The following FOXO1 variants were observed in gnomAD, a reference collection of about 807,000 sequenced individuals.
FOXO1 encodes forkhead box O1, also known as forkhead box protein O1.
FOXO1 carries 6 observed loss-of-function variants against 44.1 expected under a neutral mutation model. That is an observed-to-expected ratio of 0.14 (90% confidence interval 0.07 to 0.27). The LOEUF (loss-of-function observed/expected upper bound fraction) is 0.27. Ranked by LOEUF, FOXO1 falls within the 10% of genes least tolerant of loss-of-function variation. The pLI is 1.00. For synonymous variants in FOXO1, 380 were observed against 362.7 expected, an observed-to-expected ratio of 1.05 and a Z score of -0.54; for missense variants, 737 against 888.8, an observed-to-expected ratio of 0.83 and a Z score of 2.17.
chr13:40,601,805 C>A (rs1875824592), intron 1 of FOXO1, among the ~76,000 whole-genome samples: 1 of 152,026 alleles, frequency 6.6e-6, no homozygotes, highest in Non-Finnish European at 1.5e-5. Context: ...CCACTAATGT[C>A]TTGATTTGAT....
chr13:40,636,926 G>T (rs1036951069), intron 1 of FOXO1, among the ~76,000 whole-genome samples: 1 of 152,108 alleles, frequency 6.6e-6, no homozygotes, highest in South Asian at 2.1e-4. Flanking sequence ...AATACTATGC[G>T]CTAGGTACTG....
At chr13:40,665,548 C>T (rs778737500) in intron 1 of FOXO1, 35 bp downstream of exon 1, 18 of 1,348,764 alleles carry the variant, frequency 1.3e-5, no homozygotes, top group Non-Finnish European at 1.7e-5. Context: ...ACCCACCGCG[C>T]CCCCAAGGTC....
chr13:40,660,349 T>C lies in FOXO1; in HGVS notation c.630+5234A>G, dbSNP rs78499062. On this transcript the variant is annotated intron_variant, in intron 1 of 2. Transcript: ENST00000379561. ...AAAAGCCCCAAAGCTACAGCACATA[T>C]AGGCCAAAAAAATGGCTGGGTAAAT... Among the ~76,000 whole-genome samples, 1,184 of 152,218 alleles carry C rather than the reference T, an allele frequency of 7.8e-3. 52 individuals carry two copies. The highest frequency in any genetic ancestry group is 0.061 in the Admixed American group (938 of 15,290).
chr13:40,619,250 T>C (rs1487309166), intron 1 of FOXO1: 3 of 380,320 alleles, frequency 7.9e-6, no homozygotes, highest in East Asian at 6.8e-5. Flanking sequence ...GCCGAGATCA[T>C]GCCATTGCAC....
rs1218309677 is a variant in FOXO1 at position 40,665,755 on chromosome 13, C to A, written c.458G>T (p.Ser153Ile). The change falls in exon 1 of 3, where the codon AGC becomes ATC. Residue 153 changes from serine (S) to isoleucine (I), a missense_variant. Transcript: ENST00000379561. The part of the protein sequence containing the change: ...GPLAGQPRKS[S>I]SSRRNAWGNL... ...GCCCCACGCGTTGCGGCGGGACGAG[C>A]TGCTCTTGCGCGGCTGCCCCGCGAG... 5 of 1,403,470 alleles carry A rather than the reference C, an allele frequency of 3.6e-6. No homozygotes were observed. Among genetic ancestry groups the A allele is most frequent in the Non-Finnish European group, 4.7e-6 (5 of 1,062,310 alleles). The allele number at this position is 1,403,470 out of a possible 1,614,324, so 86.9% of individuals were successfully genotyped here.
At chr13:40,573,145 G>A (rs1278359375) in intron 1 of FOXO1, among the ~76,000 whole-genome samples, 2 of 152,184 alleles carry the variant, frequency 1.3e-5, no homozygotes, top group African/African-American at 4.8e-5. Context: ...CCCAGTGGAA[G>A]CACCTGTGCT....
At chr13:40,564,509 G>A (rs1342479292) in intron 1 of FOXO1, among the ~76,000 whole-genome samples, 1 of 152,156 alleles carries the variant, frequency 6.6e-6, no homozygotes, top group African/African-American at 2.4e-5. Context: ...GTTTCTAGGG[G>A]GTGGGGTTTG....
intron 1 of FOXO1, among the ~76,000 whole-genome samples, chr13:40,617,251 G>C (rs1035625142): frequency 6.6e-6 from 1 of 152,130 alleles, no homozygotes; most frequent in Non-Finnish European, 1.5e-5. Flanking sequence ...TTCGAGACCA[G>C]CCTGACCAAC....
rs199978805 is a variant in FOXO1 at position 40,659,630 on chromosome 13, CT to C, written c.630+5952del. ...TTGACTTAATATCAAAACTAACTTGCTTTTTTGTTTTCCTTTTTAGTTTTTA... is the reference window on the plus strand; with the variant it reads ...TTGACTTAATATCAAAACTAACTTGCTTTTTGTTTTCCTTTTTAGTTTTTA... On this transcript the variant is annotated intron_variant, in intron 1 of 2. Transcript: ENST00000379561. 4.0e-3 allele frequency among the ~76,000 whole-genome samples: 609 copies of C among 152,120 alleles called. 3 individuals are homozygous for C. Among genetic ancestry groups the C allele is most frequent in the African/African-American group, 0.014 (579 of 41,486 alleles).
intron 1 of FOXO1, among the ~76,000 whole-genome samples, chr13:40,593,687 A>T (rs1433369905): frequency 1.3e-5 from 2 of 152,266 alleles, no homozygotes; most frequent in South Asian, 2.1e-4. Flanking sequence ...ATTGTTTGCT[A>T]TTTTTTCAAA....
rs1347829239 is a variant in FOXO1, at chr13:40,585,341, G to GCACACACACA, written c.631-24482_631-24481insTGTGTGTGTG. 1.1e-4 allele frequency among the ~76,000 whole-genome samples: 10 copies of GCACACACACA among 94,690 alleles called. No individual in the cohort carries two copies. The South Asian group carries it at 2.4e-3, about 23-fold the overall frequency. 62.1% of individuals were successfully genotyped at this position (94,690 alleles called of 152,430 possible). A position where few individuals can be genotyped will look rare whatever the true frequency, so the allele number is the denominator to read the frequency against. ...GTATGTAAGTATTTCCTCTGCGCGCGCGCACACACACACACACACACACAC... is the reference window on the plus strand; with the variant it reads ...GTATGTAAGTATTTCCTCTGCGCGCGCACACACACACGCACACACACACACACACACACAC... On this transcript the variant is annotated intron_variant, in intron 1 of 2. Transcript: ENST00000379561.
At chr13:40,652,812 T>C (rs1414605032) in intron 1 of FOXO1, among the ~76,000 whole-genome samples, 1 of 152,204 alleles carries the variant, frequency 6.6e-6, no homozygotes, top group Non-Finnish European at 1.5e-5. Context: ...CCAAAATGTC[T>C]CAAGTATTTG....
chr13:40,560,238 C>G lies in FOXO1; in HGVS notation c.1253G>C (p.Ser418Thr). The G allele has an allele frequency of 1.9e-6, 3 of 1,614,150 alleles. No homozygotes were observed. The highest frequency in any genetic ancestry group is 1.6e-4 in the Middle Eastern group (1 of 6,062). Residue 418 changes from serine (S) to threonine (T), a missense_variant, in exon 2 of 3, where the codon AGC becomes ACC. Ser to Thr is a moderately conservative substitution (Grantham distance 58). Around this residue, in one of 7 missense-constraint regions of FOXO1, gnomAD observed 283 missense variants for 278.1 expected, o/e 1.02. Transcript: ENST00000379561. The surrounding 1 kb of genome is among the most constrained non-coding windows in gnomAD (Gnocchi z 5.1). ...APPNTSLNSP[S>T]PNYQKYTYGQ... Reference sequence around the variant, plus strand: ...ATATGTATATTTTTGGTAGTTTGGGCTGGGTGAATTCAAACTGGTGTTTGG... The same window carrying G: ...ATATGTATATTTTTGGTAGTTTGGGGTGGGTGAATTCAAACTGGTGTTTGG...
In FOXO1 at chr13:40,607,620, C is replaced by T. The variant is rs547118881; in HGVS notation, c.631-46760G>A. On this transcript the variant is annotated intron_variant, in intron 1 of 2. Coordinates refer to ENST00000379561, the MANE Select transcript of FOXO1 (RefSeq NM_002015.4). ...ACACAGCATTCGACAGTCATTACTC[C>T]ACACTATTTAGTATTGTACACATAG... is the stretch of plus-strand genomic sequence containing the variant. Among the ~76,000 whole-genome samples, 34 of 152,336 alleles carry T rather than the reference C, an allele frequency of 2.2e-4. No individual in the cohort carries two copies. In the Middle Eastern group the frequency reaches 0.01, roughly 46 times the overall value.
chr13:40,571,142 A>G (rs1874475369), intron 1 of FOXO1, among the ~76,000 whole-genome samples: 2 of 151,890 alleles, frequency 1.3e-5, no homozygotes, highest in African/African-American at 2.4e-5. Flanking sequence ...ACTAAATTTC[A>G]TCTAGCTAAA....
intron 1 of FOXO1, among the ~76,000 whole-genome samples, chr13:40,637,890 G>C (rs533119980): frequency 6.6e-6 from 1 of 152,262 alleles, no homozygotes; most frequent in South Asian, 2.1e-4. Flanking sequence ...TGGTTATTTA[G>C]ATAAGCAATA....
At chr13:40,576,850 T>A (rs962649782) in intron 1 of FOXO1, among the ~76,000 whole-genome samples, 4 of 152,232 alleles carry the variant, frequency 2.6e-5, no homozygotes, top group Non-Finnish European at 4.4e-5. Context: ...ATTTTATCCA[T>A]CATTCACAAG....
At position 40,559,791 on chromosome 13, in the gene FOXO1, G is replaced by C; in HGVS notation, c.1700C>G (p.Pro567Arg). The change falls in exon 2 of 3, where the codon CCC becomes CGC. Residue 567 changes from proline to arginine, a missense_variant. Transcript: ENST00000379561. ...QVKTPVQVPL[P>R]HPMQMSALGG... Reference sequence around the variant, plus strand: ...CAGGGCACTCATCTGCATGGGGTGGGGCAGAGGCACTTGTACAGGTGTCTT... The same window carrying C: ...CAGGGCACTCATCTGCATGGGGTGGCGCAGAGGCACTTGTACAGGTGTCTT... The C allele has an allele frequency of 6.2e-7, 1 of 1,613,690 alleles. No individual in the cohort carries two copies. Among genetic ancestry groups the C allele is most frequent in the East Asian group, 2.2e-5 (1 of 44,872 alleles).
At chr13:40,599,709 C>T (rs916654303) in intron 1 of FOXO1, among the ~76,000 whole-genome samples, 1 of 152,148 alleles carries the variant, frequency 6.6e-6, no homozygotes, top group Non-Finnish European at 1.5e-5. Context: ...GGGAGTGCCC[C>T]TCCTCCGGCC....
Sources: allele counts gnomAD v4.1 joint callset (sites outside exome capture counted in the v4.1 genomes callset), GRCh38; gene constraint gnomAD v4.1.1; regional missense constraint gnomAD v4.1.1; non-coding constraint Gnocchi (gnomAD v3.1); transcripts MANE v1.5; gene names NCBI Gene and HGNC (gene_info 2026-07-23, HGNC 2026-07-21).